NINJ2: variants seen among roughly 807,000 people sequenced by gnomAD.
NINJ2 encodes ninjurin 2, also known as ninjurin-2.
A neutral mutation model predicts 11.7 loss-of-function variants in NINJ2; 12 were observed. That is an observed-to-expected ratio of 1.02 (90% confidence interval 0.66 to 1.66). NINJ2 has a LOEUF of 1.66. NINJ2 is among the 40% of genes most tolerant of loss of function. NINJ2 has a pLI of 0.00. For missense variants in NINJ2, 187 were observed against 181.8 expected (o/e 1.03, Z -0.16); for synonymous variants, 93 against 76.8 (o/e 1.21, Z -1.10).
rs915002539 is a variant in NINJ2, at chr12:585,215, C to T, written c.34-19037G>A. On this transcript the variant is annotated intron_variant, in intron 1 of 3. Transcript: ENST00000305108. This position sits in a 1 kb window ranked among gnomAD's most constrained non-coding sequence, Gnocchi z 4.1. ...TGTCTCTGCAGTGACCTTCACCTGC[C>T]GCCAGCGGTTCTCTCCCCGCCATTC... is the stretch of plus-strand genomic sequence containing the variant. Among the ~76,000 whole-genome samples the T allele has an allele frequency of 6.6e-6, 1 of 152,026 alleles. No homozygotes were observed. Among genetic ancestry groups the T allele is most frequent in the South Asian group, 2.1e-4 (1 of 4,794 alleles).
intron 1 of NINJ2, among the ~76,000 whole-genome samples, chr12:619,976 C>T (rs918579193): frequency 6.6e-6 from 1 of 152,220 alleles, no homozygotes; most frequent in Non-Finnish European, 1.5e-5. Flanking sequence ...CAGCTGCCAG[C>T]TTGGCATCCT....
At chr12:648,622 A>G (rs1237720454) in intron 1 of NINJ2, among the ~76,000 whole-genome samples, 1 of 152,204 alleles carries the variant, frequency 6.6e-6, no homozygotes, top group Admixed American at 6.5e-5. Context: ...CTGGACAAGG[A>G]ATAAAACATT....
chr12:570,089 A>T lies in NINJ2; in HGVS notation c.34-3911T>A, dbSNP rs60180597. On this transcript the variant is annotated intron_variant, in intron 1 of 3. Coordinates refer to ENST00000305108, the MANE Select transcript of NINJ2 (RefSeq NM_016533.6). ...CGCAAGTCTGGATGGGCCGAACTAA[A>T]ACCCACCAAACGCGTGCGTCAAGCC... 3.7e-3 allele frequency among the ~76,000 whole-genome samples: 557 copies of T among 152,288 alleles called. 4 individuals carry two copies. Among genetic ancestry groups the T allele is most frequent in the African/African-American group, 0.013 (527 of 41,582 alleles).
chr12:607,375 TG>T, intron 1 of NINJ2, among the ~76,000 whole-genome samples: 1 of 150,280 alleles, frequency 6.7e-6, no homozygotes, highest in African/African-American at 2.4e-5. Flanking sequence ...ATGATGATGA[TG>T]ATGACGACTG....
At chr12:621,039 A>G (rs1325765614) in intron 1 of NINJ2, among the ~76,000 whole-genome samples, 1 of 152,204 alleles carries the variant, frequency 6.6e-6, no homozygotes, top group Non-Finnish European at 1.5e-5. Context: ...ATTCCAACCT[A>G]ACAAACAAGC....
Position 565,382 on chromosome 12 carries a change from C to T in NINJ2, c.282G>A (p.Glu94=). 1 of 1,614,158 alleles carries T rather than the reference C, an allele frequency of 6.2e-7. No homozygotes were observed. Among genetic ancestry groups the T allele is most frequent in the Non-Finnish European group, 8.5e-7 (1 of 1,180,026 alleles). Residue 94 remains glutamate (E), a synonymous_variant, in exon 3 of 4, where the codon GAG becomes GAA. Coordinates refer to ENST00000305108, the MANE Select transcript of NINJ2 (RefSeq NM_016533.6). ...LVVIARLNLN[E]VEKQWRLNQL... Reference sequence around the variant, plus strand: ...GGTTGAGTCGCCACTGCTTTTCTACCTCATTCAGGTTCAGCCGTGCTGCAG... The same window carrying T: ...GGTTGAGTCGCCACTGCTTTTCTACTTCATTCAGGTTCAGCCGTGCTGCAG...
chr12:639,661 G>C (rs1256685933), intron 1 of NINJ2, among the ~76,000 whole-genome samples: 1 of 152,176 alleles, frequency 6.6e-6, no homozygotes, highest in Non-Finnish European at 1.5e-5. Flanking sequence ...CTATGTGTGG[G>C]CTGCTACTGA....
intron 1 of NINJ2, among the ~76,000 whole-genome samples, chr12:638,123 A>C (rs1363989370): frequency 1.3e-5 from 2 of 152,194 alleles, no homozygotes; most frequent in Non-Finnish European, 2.9e-5. Flanking sequence ...TGCTGCCCAC[A>C]TGCTAAGCCA....
chr12:586,736 C>T (rs1394955742), intron 1 of NINJ2, among the ~76,000 whole-genome samples: 1 of 152,252 alleles, frequency 6.6e-6, no homozygotes, highest in African/African-American at 2.4e-5. Flanking sequence ...GGGACAAAGG[C>T]TTCTGTGACT....
intron 1 of NINJ2, among the ~76,000 whole-genome samples, chr12:624,669 C>T (rs915004578): frequency 1.3e-5 from 2 of 149,524 alleles, no homozygotes; most frequent in Non-Finnish European, 3.0e-5. Flanking sequence ...ATTAGCCAGG[C>T]GTGGTGGCAT....
At chr12:576,004 A>G (rs780882279) in intron 1 of NINJ2, among the ~76,000 whole-genome samples, 6 of 152,216 alleles carry the variant, frequency 3.9e-5, no homozygotes, top group Non-Finnish European at 7.4e-5. Context: ...TGTCTGGGGC[A>G]GGCCGCATGC....
intron 1 of NINJ2, among the ~76,000 whole-genome samples, chr12:636,189 C>T (rs1948350401): frequency 6.6e-6 from 1 of 151,988 alleles, no homozygotes; most frequent in African/African-American, 2.4e-5. Flanking sequence ...CCAGCCTGAC[C>T]AACATGGAGA....
At chr12:604,523 A>T (rs1464304414) in intron 1 of NINJ2, among the ~76,000 whole-genome samples, 2 of 152,206 alleles carry the variant, frequency 1.3e-5, no homozygotes, top group East Asian at 3.8e-4. Flanking sequence ...CTGTAATCCC[A>T]GCTACTCGGG....
chr12:570,833 T>TTGCTTC (rs1947366020), intron 1 of NINJ2, among the ~76,000 whole-genome samples: 1 of 152,202 alleles, frequency 6.6e-6, no homozygotes, highest in African/African-American at 2.4e-5. Context: ...GGACTGCTGG[T>TTGCTTC]TGCTGGGCCC....
At chr12:595,905 A>G (rs1004122159) in intron 1 of NINJ2, among the ~76,000 whole-genome samples, 1 of 152,236 alleles carries the variant, frequency 6.6e-6, no homozygotes, top group African/African-American at 2.4e-5. Flanking sequence ...AAGACATAAA[A>G]TGGCAAGTAA....
intron 1 of NINJ2, chr12:643,703 G>A: frequency 1.0e-6 from 1 of 987,624 alleles, no homozygotes; most frequent in African/African-American, 1.7e-5. Flanking sequence ...CAACGAGTCT[G>A]CCATCAGCCA....
At chr12:600,655 T>G (rs201731645) in intron 1 of NINJ2, among the ~76,000 whole-genome samples, 66 of 8,008 alleles carry the variant, frequency 8.2e-3, no homozygotes, top group East Asian at 0.06. Context: ...TTTTTTGGGG[T>G]GTGTGTGTGT....
At chr12:590,640 C>T (rs1592082635) in intron 1 of NINJ2, 1 of 152,334 alleles carries the variant, frequency 6.6e-6, no homozygotes, top group East Asian at 1.9e-4. Context: ...GGAAGCCTGT[C>T]AAGGGCATAG....
At chr12:626,257 G>C (rs1259257702) in intron 1 of NINJ2, among the ~76,000 whole-genome samples, 1 of 152,216 alleles carries the variant, frequency 6.6e-6, no homozygotes, top group Admixed American at 6.5e-5. Context: ...AGTGATGAGG[G>C]ATTCATAAGA....
Sources: allele counts gnomAD v4.1 joint callset (sites outside exome capture counted in the v4.1 genomes callset), GRCh38; gene constraint gnomAD v4.1.1; non-coding constraint Gnocchi (gnomAD v3.1); transcripts MANE v1.5; gene names NCBI Gene and HGNC (gene_info 2026-07-23, HGNC 2026-07-21).